Variants in ANKS1B observed in about 807,000 individuals in gnomAD.
The protein encoded by ANKS1B is ankyrin repeat and sterile alpha motif domain containing 1B, also known as ankyrin repeat and sterile alpha motif domain-containing protein 1B.
Under a neutral mutation model 148.3 loss-of-function variants are expected in ANKS1B, and 36 were observed. The ratio of observed to expected loss-of-function variants is 0.24; its 90% CI spans 0.19 to 0.32. The LOEUF is 0.32. Among genes scored for constraint, ANKS1B ranks in the 10% least tolerant of loss-of-function variants. ANKS1B has a pLI of 1.00. For synonymous variants in ANKS1B, 542 were observed against 560.8 expected (o/e 0.97, Z 0.47); for missense variants, 1,157 against 1,542.6 (o/e 0.75, Z 4.19).
chr12:99,003,150 G>A (rs1008230623), intron 17 of ANKS1B, among the ~76,000 whole-genome samples: 6 of 152,058 alleles, frequency 3.9e-5, no homozygotes, highest in South Asian at 2.1e-4. Context: ...TCATATATAC[G>A]TGGGTCTATT....
chr12:99,180,911 C>T (rs191958482), intron 14 of ANKS1B, among the ~76,000 whole-genome samples: 1 of 152,204 alleles, frequency 6.6e-6, no homozygotes, highest in African/African-American at 2.4e-5. Context: ...GGTCTCTGAC[C>T]TCCTCCCCTC....
chr12:99,582,067 A>G (rs1290780456), intron 9 of ANKS1B, among the ~76,000 whole-genome samples: 1 of 152,076 alleles, frequency 6.6e-6, no homozygotes, highest in Non-Finnish European at 1.5e-5. Context: ...GATACTTTAT[A>G]AAAGAATATA....
chr12:99,955,160 G>A (rs1014866236), intron 1 of ANKS1B, among the ~76,000 whole-genome samples: 1 of 152,048 alleles, frequency 6.6e-6, no homozygotes, highest in African/African-American at 2.4e-5. Context: ...CTTGTTTTCT[G>A]GACTTGAGTC....
At chr12:99,936,165 G>A (rs980291642) in intron 1 of ANKS1B, among the ~76,000 whole-genome samples, 9 of 152,238 alleles carry the variant, frequency 5.9e-5, no homozygotes, top group African/African-American at 1.4e-4. Flanking sequence ...TACAATCCAA[G>A]GTGAGATTTG....
intron 17 of ANKS1B, among the ~76,000 whole-genome samples, chr12:99,052,899 A>G (rs2099967188): frequency 6.6e-6 from 1 of 152,128 alleles, no homozygotes; most frequent in African/African-American, 2.4e-5. Flanking sequence ...AAAATTTCCT[A>G]AAAAGGAGAA....
At chr12:99,303,627 T>C (rs2081971076) in intron 12 of ANKS1B, among the ~76,000 whole-genome samples, 1 of 152,132 alleles carries the variant, frequency 6.6e-6, no homozygotes, top group Non-Finnish European at 1.5e-5. Flanking sequence ...TATTTTATCT[T>C]ATTTTATTTT....
chr12:99,209,263 T>C (rs553239666), intron 14 of ANKS1B, among the ~76,000 whole-genome samples: 74 of 152,300 alleles, frequency 4.9e-4, no homozygotes, highest in African/African-American at 1.7e-3. Flanking sequence ...TTTATGTAAA[T>C]AATCAGGCCA....
chr12:99,903,567 T>C (rs1162664184), intron 1 of ANKS1B, among the ~76,000 whole-genome samples: 3 of 152,180 alleles, frequency 2.0e-5, no homozygotes, highest in Non-Finnish European at 2.9e-5. Context: ...TGCTGTCCAA[T>C]AGAAGCATAA....
chr12:99,858,338 T>A (rs930193037), intron 1 of ANKS1B, among the ~76,000 whole-genome samples: 1 of 151,716 alleles, frequency 6.6e-6, no homozygotes, highest in Admixed American at 6.6e-5. Flanking sequence ...ACCTTACTCC[T>A]GCAAGAATGG....
chr12:99,954,172 T>A (rs2095276590), intron 1 of ANKS1B, among the ~76,000 whole-genome samples: 1 of 152,206 alleles, frequency 6.6e-6, no homozygotes, highest in Admixed American at 6.5e-5. Context: ...GAATAAAATA[T>A]CCAAAAATTA....
chr12:99,493,198 T>C (rs916352966), intron 10 of ANKS1B, among the ~76,000 whole-genome samples: 1 of 152,210 alleles, frequency 6.6e-6, no homozygotes, highest in Non-Finnish European at 1.5e-5. Context: ...AATTTAAATA[T>C]TACAATGTAT....
intron 14 of ANKS1B, among the ~76,000 whole-genome samples, chr12:99,240,392 G>A (rs2089037625): frequency 6.6e-6 from 1 of 152,138 alleles, no homozygotes. Flanking sequence ...ACCCAATACA[G>A]GAGTAACCAG....
intron 12 of ANKS1B, among the ~76,000 whole-genome samples, chr12:99,359,569 TA>T (rs530732810): frequency 7.2e-5 from 11 of 152,090 alleles, no homozygotes; most frequent in African/African-American, 2.4e-4. Flanking sequence ...AAAAAAGATA[TA>T]AAAAATGTTC....
At chr12:99,649,638 G>A (rs1468590750) in intron 9 of ANKS1B, 7 of 454,370 alleles carry the variant, frequency 1.5e-5, no homozygotes, top group Non-Finnish European at 1.2e-5. Context: ...GCTATTAGTG[G>A]GTGCTTCCAT....
chr12:99,171,266 A>G (rs1315600415), intron 14 of ANKS1B, among the ~76,000 whole-genome samples: 2 of 152,222 alleles, frequency 1.3e-5, no homozygotes, highest in African/African-American at 2.4e-5. Context: ...TTCCTTATGG[A>G]GAAAAACTGA....
intron 17 of ANKS1B, among the ~76,000 whole-genome samples, chr12:98,970,583 G>A (rs2099882323): frequency 6.6e-6 from 1 of 152,122 alleles, no homozygotes; most frequent in Non-Finnish European, 1.5e-5. Context: ...GTACTAATTG[G>A]AAAAACATCT....
chr12:98,958,945 G>A (rs1189708775), intron 17 of ANKS1B, among the ~76,000 whole-genome samples: 1 of 152,136 alleles, frequency 6.6e-6, no homozygotes, highest in Non-Finnish European at 1.5e-5. Flanking sequence ...ATTAGGTGAT[G>A]ATTATAAGTG....
intron 17 of ANKS1B, among the ~76,000 whole-genome samples, chr12:98,996,088 G>T (rs537251746): frequency 6.6e-6 from 1 of 152,194 alleles, no homozygotes; most frequent in East Asian, 1.9e-4. Flanking sequence ...TAACTCATGG[G>T]ACATTGGGTA....
chr12:99,156,109 T>C (rs2153825591), intron 14 of ANKS1B, among the ~76,000 whole-genome samples: 1 of 152,290 alleles, frequency 6.6e-6, no homozygotes, highest in East Asian at 1.9e-4. Context: ...GTTTCCTTTC[T>C]CTTTTTAAGG....
Sources: gnomAD v4.1 joint callset for allele counts (sites outside exome capture counted in the v4.1 genomes callset) on GRCh38, gnomAD v4.1.1 for gene constraint, MANE v1.5 for transcripts, NCBI Gene and HGNC (gene_info 2026-07-23, HGNC 2026-07-21) for gene names.